Variants in COLGALT2 observed in about 807,000 individuals in gnomAD.
COLGALT2 encodes the protein collagen beta(1-O)galactosyltransferase 2.
A neutral mutation model predicts 73.4 loss-of-function variants in COLGALT2; 49 were observed. The observed-to-expected ratio is 0.67, with a 90% confidence interval of 0.53 to 0.85. The LOEUF (loss-of-function observed/expected upper bound fraction) is 0.85, where lower values mean the gene tolerates loss of function less well. Ranked by LOEUF, COLGALT2 falls within the 40% of genes least tolerant of loss-of-function variation. COLGALT2 has a pLI of 0.00. For synonymous variants in COLGALT2, 295 were observed against 307.6 expected (o/e 0.96, Z 0.43); for missense variants, 722 against 790.2 (o/e 0.91, Z 1.03).
chr1:183,941,125 G>A (rs1670095984), intron 10 of COLGALT2, among the ~76,000 whole-genome samples: 1 of 152,196 alleles, frequency 6.6e-6, no homozygotes, highest in South Asian at 2.1e-4. Context: ...TACAGAGGTT[G>A]GAAAGGCACA....
At chr1:183,930,027 T>G in exon 12 of COLGALT2, 1 of 309,634 alleles carries the variant, frequency 3.2e-6, no homozygotes. Context: ...ATAAAGAGAG[T>G]AAAGAGAACT....
At chr1:184,028,177 C>T (rs1182057152) in intron 1 of COLGALT2, among the ~76,000 whole-genome samples, 2 of 152,182 alleles carry the variant, frequency 1.3e-5, no homozygotes, top group Admixed American at 6.5e-5. Flanking sequence ...CAAGGGACTC[C>T]GTGTCGGGAA....
intron 9 of COLGALT2, 84 bp from the exon 10 acceptor site, chr1:183,944,407 G>C: frequency 7.0e-7 from 1 of 1,432,898 alleles, no homozygotes; most frequent in East Asian, 2.4e-5. Context: ...AAAAAGTCAC[G>C]AGTCTAGTAG....
At chr1:183,958,154 G>A (rs1433561895) in intron 6 of COLGALT2, among the ~76,000 whole-genome samples, 1 of 152,032 alleles carries the variant, frequency 6.6e-6, no homozygotes, top group African/African-American at 2.4e-5. Context: ...AAAAGAGATG[G>A]GCACAGTGCT....
chr1:184,018,356 G>A lies in COLGALT2; in HGVS notation c.263+18739C>T, dbSNP rs1474021135. Among the ~76,000 whole-genome samples, 5 of 152,212 alleles carry A rather than the reference G, an allele frequency of 3.3e-5. No individual in the cohort carries two copies. The South Asian group carries it at 6.2e-4, about 19-fold the overall frequency. ...CCCATCTCACTATATTTGAAATGGG[G>A]TTGGGGTGGGGTAGGTGATTTGTTG... On this transcript the variant is annotated intron_variant, in intron 1 of 11. Coordinates refer to ENST00000361927, the MANE Select transcript of COLGALT2 (RefSeq NM_015101.4).
intron 1 of COLGALT2, among the ~76,000 whole-genome samples, chr1:184,032,749 T>C (rs1384526642): frequency 6.6e-6 from 1 of 152,246 alleles, no homozygotes; most frequent in African/African-American, 2.4e-5. Flanking sequence ...TATGACATCA[T>C]TCTTACCACT....
In COLGALT2 at chr1:183,956,281, T is replaced by C. The variant is rs558363584; in HGVS notation, c.953-1443A>G. ...GCGAATGATGTGAAATTCTAGAACG[T>C]AGTGAGACAGAGTTCTTAGGCCAAA... On this transcript the variant is annotated intron_variant, in intron 6 of 11. Coordinates refer to ENST00000361927, the MANE Select transcript of COLGALT2 (RefSeq NM_015101.4). Among the ~76,000 whole-genome samples, 25 of 152,358 alleles carry C rather than the reference T, an allele frequency of 1.6e-4. No individual in the cohort carries two copies. In the South Asian group the frequency reaches 5.0e-3, roughly 30 times the overall value.
At chr1:183,975,022 G>C (rs1047184210) in intron 3 of COLGALT2, 75 bp downstream of exon 3, 1 of 1,021,390 alleles carries the variant, frequency 9.8e-7, no homozygotes, top group South Asian at 1.5e-5. Context: ...TTGCTTCCAT[G>C]GTTCTAGTTT....
chr1:183,930,084 T>C (rs1306927939), exon 12 of COLGALT2: 1 of 379,484 alleles, frequency 2.6e-6, no homozygotes, highest in Non-Finnish European at 5.2e-6. Context: ...ACCTGTCACT[T>C]CTGTTCACAG....
chr1:183,977,184 T>A (rs1222123585), intron 2 of COLGALT2, among the ~76,000 whole-genome samples: 2 of 152,046 alleles, frequency 1.3e-5, no homozygotes, highest in Non-Finnish European at 2.9e-5. Flanking sequence ...AATAAATTGC[T>A]ATGGTGGCCG....
chr1:183,950,341 T>C (rs2102795453), intron 8 of COLGALT2, among the ~76,000 whole-genome samples: 1 of 152,278 alleles, frequency 6.6e-6, no homozygotes, highest in Middle Eastern at 3.4e-3. Flanking sequence ...TACTCCTTAG[T>C]TGGAGTTATG....
In COLGALT2 at chr1:183,938,398, T is replaced by A. The variant is rs962510112; in HGVS notation, c.*363A>T. 3 of 1,067,074 alleles carry A rather than the reference T, an allele frequency of 2.8e-6. No individual in the cohort carries two copies. The Admixed American group carries it at 1.5e-4, about 52-fold the overall frequency. The allele number at this position is 1,067,074 out of a possible 1,614,324, so 66.1% of individuals were successfully genotyped here. On this transcript the variant is annotated 3_prime_UTR_variant, in exon 12 of 12. Coordinates refer to ENST00000361927, the MANE Select transcript of COLGALT2 (RefSeq NM_015101.4). ...GCTGCCTTGACTACATATTTGCTGA[T>A]GTGACAGCTCGGTGATCACTTTCTC...
Position 183,936,141 on chromosome 1 carries a change from A to G in COLGALT2, c.*2620T>C. The G allele has an allele frequency of 1.0e-6, 1 of 985,666 alleles. No homozygotes were observed. The highest frequency in any genetic ancestry group is 1.2e-6 in the Non-Finnish European group (1 of 830,098). The allele number at this position is 985,666 out of a possible 1,614,324, so 61.1% of individuals were successfully genotyped here. On this transcript the variant is annotated 3_prime_UTR_variant, in exon 12 of 12. Coordinates refer to ENST00000361927, the MANE Select transcript of COLGALT2 (RefSeq NM_015101.4). ...AATCCAGACAGGGTTTAGCCTCCAG[A>G]GGCAGAGAGCGGGTGCCAGGCCCAG... is the stretch of plus-strand genomic sequence containing the variant.
chr1:183,994,026 CTTTTTTTTTTT>C (rs869129633), intron 1 of COLGALT2, among the ~76,000 whole-genome samples: 277 of 70,042 alleles, frequency 4.0e-3, no homozygotes, highest in African/African-American at 0.015. Context: ...TCTTGTAATT[CTTTTTTTTTTT>C]TTTTTTTTTT....
Position 183,936,308 on chromosome 1 carries a change from CT to C in COLGALT2, c.*2452del, listed in dbSNP as rs773769004. On this transcript the variant is annotated 3_prime_UTR_variant, in exon 12 of 12. Transcript: ENST00000361927. ...AACCTCTGGATTGCTGAAGAGATGA[CT>C]TTAAAAAAAAAGTCACATCTGCGGC... is the stretch of plus-strand genomic sequence containing the variant. 6.9e-5 allele frequency: 68 copies of C among 985,248 alleles called. No homozygotes were observed. Among genetic ancestry groups the C allele is most frequent in the Non-Finnish European group, 7.8e-5 (65 of 829,828 alleles). The allele number at this position is 985,248 out of a possible 1,614,324, so 61.0% of individuals were successfully genotyped here.
chr1:183,970,835 C>A (rs1475911476), intron 4 of COLGALT2, among the ~76,000 whole-genome samples: 1 of 152,158 alleles, frequency 6.6e-6, no homozygotes, highest in African/African-American at 2.4e-5. Flanking sequence ...TTTTATTAGC[C>A]TTTAACTTAA....
intron 1 of COLGALT2, among the ~76,000 whole-genome samples, chr1:184,034,278 CT>C (rs11347812): frequency 0.39 from 55,046 of 142,926 alleles, 10,061 homozygotes; most frequent in African/African-American, 0.44. Context: ...GCCCTATTAT[CT>C]TTTTTTTTTT....
At chr1:184,030,383 C>T (rs879796925) in intron 1 of COLGALT2, among the ~76,000 whole-genome samples, 1 of 152,082 alleles carries the variant, frequency 6.6e-6, no homozygotes, top group African/African-American at 2.4e-5. Context: ...GTGTAGTGGC[C>T]ATACCATAGG....
intron 6 of COLGALT2, among the ~76,000 whole-genome samples, chr1:183,959,414 C>G (rs565589453): frequency 1.6e-4 from 24 of 152,132 alleles, no homozygotes; most frequent in Non-Finnish European, 3.1e-4. Flanking sequence ...AGCTCCCCAA[C>G]CCCCAGTCTT....
Sources: allele counts gnomAD v4.1 joint callset (sites outside exome capture counted in the v4.1 genomes callset), GRCh38; gene constraint gnomAD v4.1.1; transcripts MANE v1.5; gene names NCBI Gene and HGNC (gene_info 2026-07-23, HGNC 2026-07-21).